The following MFN2 variants were observed in gnomAD, a reference collection of about 807,000 sequenced individuals.
MFN2 encodes mitofusin-2.
Under a neutral mutation model 87.5 loss-of-function variants are expected in MFN2, and 43 were observed. The observed-to-expected ratio is 0.49, with a 90% CI of 0.38 to 0.63. MFN2 has a LOEUF of 0.63. MFN2 is among the 30% of genes least tolerant of loss of function. MFN2 has a pLI of 0.00. For synonymous variants in MFN2, 337 were observed against 359.9 expected (o/e 0.94, Z 0.72); for missense variants, 743 against 972.8 (o/e 0.76, Z 3.14).
At chr1:11,995,687 G>A (rs929246253) in intron 4 of MFN2, among the ~76,000 whole-genome samples, 3 of 152,130 alleles carry the variant, frequency 2.0e-5, no homozygotes, top group Admixed American at 6.6e-5. Context: ...TAGCCTGGCA[G>A]TTGTCAGCTG....
chr1:11,995,798 G>A (rs2100821356), intron 4 of MFN2, among the ~76,000 whole-genome samples: 1 of 152,300 alleles, frequency 6.6e-6, no homozygotes, highest in Middle Eastern at 3.4e-3. Context: ...TTAGACTGAG[G>A]AAGACACTCT....
chr1:12,004,737 C>T lies in MFN2; in HGVS notation c.1393-88C>T, dbSNP rs577483106. On this transcript the variant is annotated intron_variant, in intron 13 of 18. Coordinates refer to ENST00000235329, the MANE Select transcript of MFN2 (RefSeq NM_014874.4). This position sits in a 1 kb window ranked among gnomAD's most constrained non-coding sequence, Gnocchi z 4.2. ...GCCACAGAGACAAGGCCCAGGCTTC[C>T]GTCAGCCTTCTGGGGTCACCTGGTG... The T allele has an allele frequency of 3.7e-5, 56 of 1,504,128 alleles. No individual in the cohort carries two copies. In the African/African-American group the frequency reaches 4.8e-4, roughly 13 times the overall value. The allele number at this position is 1,504,128 out of a possible 1,614,324, so 93.2% of individuals were successfully genotyped here. A position where few individuals can be genotyped will look rare whatever the true frequency, so the allele number is the denominator to read the frequency against.
intron 3 of MFN2, among the ~76,000 whole-genome samples, chr1:11,990,510 T>G (rs1384527298): frequency 1.3e-5 from 2 of 152,186 alleles, no homozygotes; most frequent in Non-Finnish European, 2.9e-5. Flanking sequence ...TCTTGGAAGC[T>G]CTGAGTCACC....
chr1:11,980,817 C>T (rs955234320), intron 1 of MFN2, among the ~76,000 whole-genome samples: 4 of 152,248 alleles, frequency 2.6e-5, no homozygotes, highest in Non-Finnish European at 5.9e-5. Flanking sequence ...TGATAGGTGT[C>T]CACGTTCACC....
intron 6 of MFN2, 93 bp from the exon 7 acceptor site, chr1:11,998,677 C>T (rs577199060): frequency 8.6e-7 from 1 of 1,161,828 alleles, no homozygotes; most frequent in East Asian, 2.3e-5. Context: ...TCCTCCATGA[C>T]CTGCCTGCCT....
Position 12,003,880 on chromosome 1 carries a change from G to A in MFN2, c.1161-112G>A, listed in dbSNP as rs990389547. The A allele has an allele frequency of 4.9e-6, 7 of 1,442,536 alleles. No individual in the cohort carries two copies. In the African/African-American group the frequency reaches 9.8e-5, roughly 20 times the overall value. 89.4% of individuals were successfully genotyped at this position (1,442,536 alleles called of 1,614,324 possible). A position where few individuals can be genotyped will look rare whatever the true frequency, so the allele number is the denominator to read the frequency against. Reference sequence around the variant, plus strand: ...CCATGCCCCTGGGTGCGTGTGTGCAGCCCTGCCAGGCAAGATAGCGGGCAG... The same window carrying A: ...CCATGCCCCTGGGTGCGTGTGTGCAACCCTGCCAGGCAAGATAGCGGGCAG... On this transcript the variant is annotated intron_variant, in intron 11 of 18. Coordinates refer to ENST00000235329, the MANE Select transcript of MFN2 (RefSeq NM_014874.4). The surrounding 1 kb of genome is among the most constrained non-coding windows in gnomAD (Gnocchi z 4.1).
Position 12,007,070 on chromosome 1 carries a change from C to G in MFN2, c.1890C>G (p.Gly630=), listed in dbSNP as rs1366586528. 1.2e-6 allele frequency: 2 copies of G among 1,613,770 alleles called. No homozygotes were observed. The highest frequency in any genetic ancestry group is 8.5e-7 in the Non-Finnish European group (1 of 1,180,038). ...CTCTGCAGGTGTGGAAGGCAGTGGG[C>G]TGGCGGCTCATTGCCCTCTCCTTTG... ...VVGGVVWKAV[G]WRLIALSFGL... is the part of the protein sequence containing the mutation. Residue 630 remains glycine (G), a synonymous_variant, in exon 17 of 19, where the codon GGC becomes GGG. Transcript: ENST00000235329.
At chr1:11,981,544 C>A (rs1245376568) in intron 1 of MFN2, among the ~76,000 whole-genome samples, 2 of 152,242 alleles carry the variant, frequency 1.3e-5, no homozygotes, top group Admixed American at 1.3e-4. Context: ...AGCCCTCTGT[C>A]CCACAGAATA....
intron 5 of MFN2, among the ~76,000 whole-genome samples, chr1:11,997,024 G>A (rs1419625752): frequency 2.2e-5 from 3 of 136,756 alleles, no homozygotes; most frequent in Non-Finnish European, 4.6e-5. Context: ...GGGTGACAGA[G>A]CGAGACTCCG....
At chr1:11,984,626 C>A (rs771069361) in intron 2 of MFN2, among the ~76,000 whole-genome samples, 1 of 152,226 alleles carries the variant, frequency 6.6e-6, no homozygotes, top group Non-Finnish European at 1.5e-5. Context: ...CTCTGACCTT[C>A]TGCTCTCCTT....
At chr1:12,000,420 C>T (rs1447492278) in intron 8 of MFN2, among the ~76,000 whole-genome samples, 2 of 152,088 alleles carry the variant, frequency 1.3e-5, no homozygotes, top group Admixed American at 6.5e-5. Flanking sequence ...GAACTCCTGA[C>T]CTTAAGTGAT....
At chr1:12,011,367 G>T in intron 18 of MFN2, 129 bp from the exon 19 acceptor site, 2 of 972,858 alleles carry the variant, frequency 2.1e-6, no homozygotes, top group Non-Finnish European at 1.6e-6. Flanking sequence ...TGTGAGACAG[G>T]GATAAACACG....
chr1:12,009,927 G>A (rs545966959), intron 18 of MFN2, among the ~76,000 whole-genome samples: 1 of 152,346 alleles, frequency 6.6e-6, no homozygotes, highest in East Asian at 1.9e-4. Flanking sequence ...GCTGAGGCAG[G>A]TAGATCACCT....
intron 3 of MFN2, among the ~76,000 whole-genome samples, chr1:11,990,489 C>A (rs997202720): frequency 6.6e-6 from 1 of 152,164 alleles, no homozygotes; most frequent in Non-Finnish European, 1.5e-5. Flanking sequence ...TCTGGGAGCC[C>A]AGACTAACCC....
Position 11,982,119 on chromosome 1 carries a change from G to A in MFN2, c.-5+5G>A, listed in dbSNP as rs1389926058. 1 of 151,610 alleles carries A rather than the reference G, an allele frequency of 6.6e-6. No homozygotes were observed. Among genetic ancestry groups the A allele is most frequent in the African/African-American group, 2.4e-5 (1 of 41,194 alleles). 9.4% of individuals were successfully genotyped at this position (151,610 alleles called of 1,614,324 possible). On this transcript the variant is annotated splice_donor_5th_base_variant and intron_variant, in intron 2 of 18. Transcript: ENST00000235329. ...GATCTCTCACCATCCAAAAAAGTAAGTAGTAGCTGTGACTTCTGGCACCCT... is the reference window on the plus strand; with the variant it reads ...GATCTCTCACCATCCAAAAAAGTAAATAGTAGCTGTGACTTCTGGCACCCT...
chr1:11,996,042 C>T, intron 4 of MFN2, 114 bp from the exon 5 acceptor site: 4 of 1,314,894 alleles, frequency 3.0e-6, no homozygotes, highest in Non-Finnish European at 4.4e-6. Flanking sequence ...ACTGTCTGGG[C>T]ACTGGCAACA....
intron 5 of MFN2, among the ~76,000 whole-genome samples, chr1:11,997,096 T>C (rs941540118): frequency 6.7e-6 from 1 of 149,126 alleles, no homozygotes; most frequent in African/African-American, 2.5e-5. Context: ...TAGGGTGATA[T>C]CCGGGAAAGA....
chr1:11,983,536 C>T (rs1381316939), intron 2 of MFN2, among the ~76,000 whole-genome samples: 4 of 152,126 alleles, frequency 2.6e-5, no homozygotes, highest in Admixed American at 6.6e-5. Context: ...TGAAGTGTGA[C>T]GCTTAGTGTG....
Position 11,998,893 on chromosome 1 carries a change from G to A in MFN2, c.708+15G>A, listed in dbSNP as rs1036415758. On this transcript the variant is annotated intron_variant, in intron 7 of 18. Coordinates refer to ENST00000235329, the MANE Select transcript of MFN2 (RefSeq NM_014874.4). ...TGATGCAGACGGTAACTCCTCCTCT[G>A]CCTTCTCCCAAGCTCCCAGCACCCC... is the stretch of plus-strand genomic sequence containing the variant. 5.0e-6 allele frequency: 8 copies of A among 1,613,818 alleles called. No individual in the cohort carries two copies. In the East Asian group the frequency reaches 1.8e-4, roughly 36 times the overall value.
Sources: gnomAD v4.1 joint callset for allele counts (sites outside exome capture counted in the v4.1 genomes callset) on GRCh38, gnomAD v4.1.1 for gene constraint, Gnocchi (gnomAD v3.1) non-coding constraint, MANE v1.5 for transcripts, NCBI Gene and HGNC (gene_info 2026-07-23, HGNC 2026-07-21) for gene names.